ANTXR1: variants seen among roughly 807,000 people sequenced by gnomAD.
The protein encoded by ANTXR1 is anthrax toxin receptor 1.
In ANTXR1, 19 loss-of-function variants were observed where a neutral mutation model predicts 78.1. The ratio of observed to expected loss-of-function variants is 0.24; its 90% CI spans 0.17 to 0.36. The LOEUF is 0.36. Among genes scored for constraint, ANTXR1 ranks in the 10% least tolerant of loss-of-function variants. The pLI is 1.00. For missense variants in ANTXR1, 518 were observed against 718.6 expected (o/e 0.72, Z 3.19); for synonymous variants, 273 against 260.5 (o/e 1.05, Z -0.46).
intron 12 of ANTXR1, among the ~76,000 whole-genome samples, chr2:69,130,327 A>G (rs1033870449): frequency 6.6e-6 from 1 of 152,200 alleles, no homozygotes; most frequent in Non-Finnish European, 1.5e-5. Context: ...CTCCTGATTT[A>G]TATGAAAAAC....
chr2:69,204,519 C>T (rs1674850017), intron 17 of ANTXR1, among the ~76,000 whole-genome samples: 1 of 152,168 alleles, frequency 6.6e-6, no homozygotes, highest in African/African-American at 2.4e-5. Context: ...TTCCCCATCA[C>T]CTTCTTACTT....
At chr2:69,123,955 T>C (rs2104378632) in intron 11 of ANTXR1, among the ~76,000 whole-genome samples, 1 of 152,340 alleles carries the variant, frequency 6.6e-6, no homozygotes, top group Non-Finnish European at 1.5e-5. Context: ...CCAACTCTGG[T>C]TGCCCAGCAT....
intron 3 of ANTXR1, among the ~76,000 whole-genome samples, chr2:69,054,001 T>C (rs569458428): frequency 1.3e-5 from 2 of 152,308 alleles, no homozygotes; most frequent in Middle Eastern, 6.8e-3. Context: ...TACATATATA[T>C]GCATATGTAC....
intron 3 of ANTXR1, among the ~76,000 whole-genome samples, chr2:69,066,863 G>A (rs559231297): frequency 2.6e-5 from 4 of 152,254 alleles, no homozygotes; most frequent in East Asian, 3.9e-4. Flanking sequence ...AAACCACCAA[G>A]GAAAACAGGG....
rs760997340 is a variant in ANTXR1, at chr2:69,152,174, C to T, written c.957C>T (p.Asp319=). ...CCTCTCTCTTGGCCCTGCAGTCTGA[C>T]GGTTCCATCCTGGCCATCGCCCTGC... The part of the protein sequence containing the change: ...SVIITTTHCS[D]GSILAIALLI... Residue 319 remains aspartate, a synonymous_variant, in exon 13 of 18, where the codon GAC becomes GAT. Coordinates refer to ENST00000303714, the MANE Select transcript of ANTXR1 (RefSeq NM_032208.3). 9.3e-6 allele frequency: 15 copies of T among 1,614,052 alleles called. No homozygotes were observed. Among genetic ancestry groups the T allele is most frequent in the Admixed American group, 5.0e-5 (3 of 60,028 alleles).
intron 3 of ANTXR1, among the ~76,000 whole-genome samples, chr2:69,065,062 A>G (rs910440045): frequency 1.4e-4 from 22 of 152,204 alleles, no homozygotes; most frequent in Non-Finnish European, 2.9e-4. Context: ...AAGAAGACAA[A>G]TAATACAGAA....
chr2:69,244,916 AG>A (rs755363665), intron 17 of ANTXR1, among the ~76,000 whole-genome samples: 42 of 152,270 alleles, frequency 2.8e-4, no homozygotes, highest in Non-Finnish European at 5.6e-4. Context: ...CCCGGTTAGC[AG>A]GGCTGTTGAG....
chr2:69,083,357 G>A (rs1206526240), intron 8 of ANTXR1, among the ~76,000 whole-genome samples: 1 of 152,168 alleles, frequency 6.6e-6, no homozygotes, highest in Non-Finnish European at 1.5e-5. Flanking sequence ...AGGCTTGTTG[G>A]TCACTGGAGG....
rs567543985 is a variant in ANTXR1, at chr2:69,087,973, C to T, written c.643-2886C>T. On this transcript the variant is annotated intron_variant, in intron 8 of 17. Coordinates refer to ENST00000303714, the MANE Select transcript of ANTXR1 (RefSeq NM_032208.3). ...CCAGTCCCAGACAAATCCTGCCCAT[C>T]CCCCTCACTGATAAATTTTACTCTA... 4.6e-5 allele frequency among the ~76,000 whole-genome samples: 7 copies of T among 152,304 alleles called. No homozygotes were observed. The East Asian group carries it at 1.2e-3, about 25-fold the overall frequency.
At chr2:69,209,211 T>G (rs1442943269) in intron 17 of ANTXR1, among the ~76,000 whole-genome samples, 1 of 152,220 alleles carries the variant, frequency 6.6e-6, no homozygotes, top group Non-Finnish European at 1.5e-5. Context: ...TTTGAAAAAT[T>G]CCTGAGAAGC....
At chr2:69,221,242 A>T (rs949585682) in intron 17 of ANTXR1, among the ~76,000 whole-genome samples, 1 of 152,192 alleles carries the variant, frequency 6.6e-6, no homozygotes, top group African/African-American at 2.4e-5. Flanking sequence ...TCCCATTGAG[A>T]TCTATTTAAG....
At chr2:69,095,266 T>G (rs1671361636) in intron 9 of ANTXR1, among the ~76,000 whole-genome samples, 1 of 152,190 alleles carries the variant, frequency 6.6e-6, no homozygotes, top group Non-Finnish European at 1.5e-5. Flanking sequence ...TTTCATCGAT[T>G]CTTAGTGTCT....
chr2:69,245,802 A>C lies in ANTXR1; in HGVS notation c.*317A>C. 3.5e-6 allele frequency: 1 copy of C among 289,574 alleles called. No homozygotes were observed. Among genetic ancestry groups the C allele is most frequent in the Non-Finnish European group, 6.5e-6 (1 of 154,678 alleles). 17.9% of individuals were successfully genotyped at this position (289,574 alleles called of 1,614,324 possible). A position where few individuals can be genotyped will look rare whatever the true frequency, so the allele number is the denominator to read the frequency against. ...TCTCATGGAGACCAGTAAGAAAATC[A>C]TTTATCTGAAGGTGAAATGCAGAGT... On this transcript the variant is annotated 3_prime_UTR_variant, in exon 18 of 18. Coordinates refer to ENST00000303714, the MANE Select transcript of ANTXR1 (RefSeq NM_032208.3).
rs564637345 is a variant in ANTXR1 at position 69,160,002 on chromosome 2, A to G, written c.1047+7738A>G. Among the ~76,000 whole-genome samples the G allele has an allele frequency of 2.0e-5, 3 of 152,370 alleles. No individual in the cohort carries two copies. The South Asian group carries it at 6.2e-4, about 32-fold the overall frequency. ...CAGACAACCCAAGCCTAACATCACC[A>G]AAAGGATTTACTGACAGTTTAATAA... is the stretch of plus-strand genomic sequence containing the variant. On this transcript the variant is annotated intron_variant, in intron 13 of 17. Coordinates refer to ENST00000303714, the MANE Select transcript of ANTXR1 (RefSeq NM_032208.3).
chr2:69,111,642 C>T (rs1042835286), intron 10 of ANTXR1, among the ~76,000 whole-genome samples: 2 of 152,260 alleles, frequency 1.3e-5, no homozygotes, highest in African/African-American at 2.4e-5. Flanking sequence ...CTTTTGCACA[C>T]TCTCAAAGGA....
chr2:69,051,059 G>C (rs1313061042), intron 3 of ANTXR1, among the ~76,000 whole-genome samples: 4 of 152,144 alleles, frequency 2.6e-5, no homozygotes, highest in Admixed American at 6.5e-5. Context: ...GCTGAGGCAG[G>C]CTGATCACTT....
chr2:69,045,217 T>C (rs1669727613), intron 3 of ANTXR1, among the ~76,000 whole-genome samples: 1 of 152,156 alleles, frequency 6.6e-6, no homozygotes, highest in African/African-American at 2.4e-5. Flanking sequence ...GCTTGAAATA[T>C]TTACTGTTCA....
chr2:69,167,643 C>T (rs1379309376), intron 13 of ANTXR1, among the ~76,000 whole-genome samples: 2 of 152,224 alleles, frequency 1.3e-5, no homozygotes, highest in East Asian at 1.9e-4. Flanking sequence ...CAGGGGCAAG[C>T]TTTCGGTGCA....
chr2:69,051,423 T>C (rs564023767), intron 3 of ANTXR1, among the ~76,000 whole-genome samples: 3 of 152,306 alleles, frequency 2.0e-5, no homozygotes, highest in South Asian at 2.1e-4. Context: ...AATTTTTTAA[T>C]AGCTATATTT....
Sources: gnomAD v4.1 joint callset for allele counts (sites outside exome capture counted in the v4.1 genomes callset) on GRCh38, gnomAD v4.1.1 for gene constraint, MANE v1.5 for transcripts, NCBI Gene and HGNC (gene_info 2026-07-23, HGNC 2026-07-21) for gene names.